Variants in HDAC9 observed in about 807,000 individuals in gnomAD.
The protein encoded by HDAC9 is MEF-2 interacting transcription repressor (MITR) protein.
A neutral mutation model predicts 139.4 loss-of-function variants in HDAC9; 41 were observed. The ratio of observed to expected loss-of-function variants is 0.29; its 90% CI spans 0.23 to 0.38. HDAC9 has a LOEUF of 0.38. Ranked by LOEUF, HDAC9 falls within the 10% of genes least tolerant of loss-of-function variation. The pLI is 1.00. For missense variants in HDAC9, 1,147 were observed against 1,297.0 expected (o/e 0.88, Z 1.78); for synonymous variants, 517 against 476.2 (o/e 1.09, Z -1.12).
intron 1 of HDAC9, among the ~76,000 whole-genome samples, chr7:18,392,933 A>C (rs2128725247): frequency 1.3e-5 from 2 of 150,918 alleles, no homozygotes; most frequent in African/African-American, 4.8e-5. Context: ...AAAAAAAAAA[A>C]AAAAAAAAAA....
intron 2 of HDAC9, among the ~76,000 whole-genome samples, chr7:18,240,520 CT>C (rs1794121302): frequency 6.6e-6 from 1 of 152,108 alleles, no homozygotes; most frequent in Non-Finnish European, 1.5e-5. Flanking sequence ...GAGAATTCCT[CT>C]GAGAAAAAAA....
intron 8 of HDAC9, among the ~76,000 whole-genome samples, chr7:18,638,569 A>G (rs1784598075): frequency 6.6e-6 from 1 of 152,086 alleles, no homozygotes; most frequent in Non-Finnish European, 1.5e-5. Flanking sequence ...GTAGTACCGT[A>G]ATACCTACAC....
chr7:18,521,647 C>T (rs150172344), intron 2 of HDAC9, among the ~76,000 whole-genome samples: 284 of 152,216 alleles, frequency 1.9e-3, no homozygotes, highest in Non-Finnish European at 3.2e-3. Context: ...TCTCAAGATA[C>T]GTTCAATTCA....
At chr7:18,923,658 A>G (rs778293452) in intron 22 of HDAC9, among the ~76,000 whole-genome samples, 2 of 152,018 alleles carry the variant, frequency 1.3e-5, no homozygotes, top group Admixed American at 6.6e-5. Context: ...GAAATACTCT[A>G]TCTTTACCAT....
At chr7:18,895,561 G>T (rs1271187068) in intron 22 of HDAC9, among the ~76,000 whole-genome samples, 2 of 152,112 alleles carry the variant, frequency 1.3e-5, no homozygotes, top group Admixed American at 6.6e-5. Context: ...CTAAAGATCA[G>T]CTCATGAAGT....
At chr7:18,269,621 C>T (rs764458196) in intron 2 of HDAC9, among the ~76,000 whole-genome samples, 2 of 152,058 alleles carry the variant, frequency 1.3e-5, no homozygotes, top group Non-Finnish European at 2.9e-5. Flanking sequence ...ACTCAGGAGG[C>T]TGAGGTGGGA....
intron 1 of HDAC9, among the ~76,000 whole-genome samples, chr7:18,471,941 C>T (rs1017108853): frequency 1.2e-4 from 18 of 152,152 alleles, no homozygotes; most frequent in African/African-American, 4.3e-4. Context: ...ACTATTTGTG[C>T]TCTGATTTGC....
At position 18,745,883 on chromosome 7, in the gene HDAC9, CTTTTTTT is replaced by C. The variant is rs752292349; in HGVS notation, c.1910-3105_1910-3099del. Among the ~76,000 whole-genome samples, 31 of 99,478 alleles carry C rather than the reference CTTTTTTT, an allele frequency of 3.1e-4. No homozygotes were observed. The South Asian group carries it at 6.5e-3, about 21-fold the overall frequency. The allele number at this position is 99,478 out of a possible 152,430, so 65.3% of individuals were successfully genotyped here. A position where few individuals can be genotyped will look rare whatever the true frequency, so the allele number is the denominator to read the frequency against. ...CTTGAAGAATATATTTCTTCTTCTT[CTTTTTTT>C]TTTTTTTTTTTTTTTTGCCCATGCA... On this transcript the variant is annotated intron_variant, in intron 13 of 25. Coordinates refer to ENST00000686413, the MANE Select transcript of HDAC9 (RefSeq NM_178425.4).
intron 1 of HDAC9, among the ~76,000 whole-genome samples, chr7:18,342,098 T>G (rs1220987569): frequency 6.6e-6 from 1 of 151,862 alleles, no homozygotes; most frequent in East Asian, 1.9e-4. Flanking sequence ...CTAGCCTCAT[T>G]TAATTTCCTT....
chr7:18,735,828 A>G (rs1786835184), intron 13 of HDAC9, among the ~76,000 whole-genome samples: 1 of 152,272 alleles, frequency 6.6e-6, no homozygotes, highest in African/African-American at 2.4e-5. Flanking sequence ...TTTGGGCAGT[A>G]TGGCCATTTT....
chr7:18,635,039 A>G (rs1318117989), intron 8 of HDAC9, among the ~76,000 whole-genome samples: 2 of 152,032 alleles, frequency 1.3e-5, no homozygotes. Flanking sequence ...TTATTTATAA[A>G]TCAGACAACC....
chr7:18,889,212 C>T (rs1366627689), intron 22 of HDAC9, among the ~76,000 whole-genome samples: 2 of 152,118 alleles, frequency 1.3e-5, no homozygotes, highest in Non-Finnish European at 2.9e-5. Flanking sequence ...TGAAAAGATC[C>T]TATTCAAAGG....
intron 1 of HDAC9, among the ~76,000 whole-genome samples, chr7:18,403,161 C>T (rs188534832): frequency 2.6e-5 from 4 of 152,226 alleles, no homozygotes. Flanking sequence ...TGTGTACATA[C>T]AGACTTAAAT....
chr7:18,124,727 G>T (rs2128096599), intron 1 of HDAC9, among the ~76,000 whole-genome samples: 1 of 152,114 alleles, frequency 6.6e-6, no homozygotes, highest in African/African-American at 2.4e-5. Flanking sequence ...AGATTGATCT[G>T]GTTCCTTCCA....
chr7:18,921,245 A>T (rs1803691972), intron 22 of HDAC9, among the ~76,000 whole-genome samples: 1 of 152,192 alleles, frequency 6.6e-6, no homozygotes, highest in Admixed American at 6.6e-5. Flanking sequence ...ATCTAATTAG[A>T]CTAAAGAGCT....
At chr7:18,539,079 C>G (rs913132044) in intron 2 of HDAC9, among the ~76,000 whole-genome samples, 12 of 152,142 alleles carry the variant, frequency 7.9e-5, no homozygotes, top group African/African-American at 2.7e-4. Flanking sequence ...AGCCCCACCT[C>G]CAAATGCTAT....
intron 1 of HDAC9, among the ~76,000 whole-genome samples, chr7:18,325,907 T>TTA (rs1156777897): frequency 6.6e-6 from 1 of 152,094 alleles, no homozygotes; most frequent in Non-Finnish European, 1.5e-5. Flanking sequence ...GATAGCCAAG[T>TTA]TATACCATCT....
chr7:18,264,675 T>C (rs1795891284), intron 2 of HDAC9, among the ~76,000 whole-genome samples: 1 of 152,228 alleles, frequency 6.6e-6, no homozygotes, highest in Admixed American at 6.5e-5. Context: ...TTAGAAAGGA[T>C]GACTCCTGTT....
chr7:18,429,859 T>C (rs954671704), intron 1 of HDAC9, among the ~76,000 whole-genome samples: 27 of 152,346 alleles, frequency 1.8e-4, no homozygotes, highest in African/African-American at 3.1e-4. Flanking sequence ...AATTAATTTG[T>C]CAGTATTTGA....
Sources: gnomAD v4.1 joint callset for allele counts (sites outside exome capture counted in the v4.1 genomes callset) on GRCh38, gnomAD v4.1.1 for gene constraint, MANE v1.5 for transcripts, NCBI Gene and HGNC (gene_info 2026-07-23, HGNC 2026-07-21) for gene names.